The following MAD1L1 variants were observed in gnomAD, a reference collection of about 807,000 sequenced individuals.
MAD1L1 encodes mitotic arrest deficient 1 like 1.
A neutral mutation model predicts 96.9 loss-of-function variants in MAD1L1; 95 were observed. The observed-to-expected ratio is 0.98, with a 90% CI of 0.83 to 1.16. The LOEUF is 1.16. Among genes scored for constraint, MAD1L1 ranks in the 50% most tolerant of loss-of-function variants. MAD1L1 has a pLI of 0.00. For missense variants in MAD1L1, 1,007 were observed against 954.4 expected (o/e 1.06, Z -0.73); for synonymous variants, 473 against 396.6 (o/e 1.19, Z -2.29).
chr7:2,207,185 T>G (rs773035436), intron 10 of MAD1L1, among the ~76,000 whole-genome samples: 8 of 152,162 alleles, frequency 5.3e-5, no homozygotes, highest in Non-Finnish European at 1.2e-4. Context: ...AACTGCCATC[T>G]TAACAATAAT....
At chr7:2,214,629 G>A (rs1421777932) in intron 9 of MAD1L1, among the ~76,000 whole-genome samples, 1 of 152,186 alleles carries the variant, frequency 6.6e-6, no homozygotes, top group Non-Finnish European at 1.5e-5. Context: ...GTGGCCACAG[G>A]GAAGTGGCAT....
chr7:1,825,545 C>T (rs1218090413), intron 18 of MAD1L1, among the ~76,000 whole-genome samples: 3 of 152,246 alleles, frequency 2.0e-5, no homozygotes, highest in East Asian at 1.9e-4. Context: ...CCAAGCCCCT[C>T]GGCACCCAGC....
At chr7:1,938,778 A>G (rs1778756461) in intron 16 of MAD1L1, among the ~76,000 whole-genome samples, 1 of 141,198 alleles carries the variant, frequency 7.1e-6, no homozygotes, top group African/African-American at 2.6e-5. Flanking sequence ...ACGCACGCAC[A>G]CAGAGACCAG....
chr7:2,160,317 C>T (rs1584454450), intron 10 of MAD1L1, among the ~76,000 whole-genome samples: 2 of 146,930 alleles, frequency 1.4e-5, no homozygotes, highest in African/African-American at 4.9e-5. Context: ...AGGAGGCTTG[C>T]CACTGGATCC....
At chr7:2,135,885 A>G (rs932400773) in intron 11 of MAD1L1, among the ~76,000 whole-genome samples, 2 of 152,208 alleles carry the variant, frequency 1.3e-5, no homozygotes, top group South Asian at 2.1e-4. Flanking sequence ...TTTTCGCCAT[A>G]TAACTCACAA....
At chr7:1,960,912 T>C (rs1406898529) in intron 15 of MAD1L1, among the ~76,000 whole-genome samples, 1 of 152,228 alleles carries the variant, frequency 6.6e-6, no homozygotes, top group African/African-American at 2.4e-5. Flanking sequence ...TCAGTCTATT[T>C]AGGAATTTCA....
At chr7:2,089,628 GT>G (rs1562676064) in intron 11 of MAD1L1, among the ~76,000 whole-genome samples, 1 of 151,666 alleles carries the variant, frequency 6.6e-6, no homozygotes, top group African/African-American at 2.4e-5. Context: ...CACGTGCATC[GT>G]GTTTAATCAC....
intron 15 of MAD1L1, among the ~76,000 whole-genome samples, chr7:1,965,995 C>T (rs73292431): frequency 6.6e-6 from 1 of 152,234 alleles, no homozygotes; most frequent in South Asian, 2.1e-4. Flanking sequence ...TGGGTCCCAT[C>T]CACACTGGCA....
intron 15 of MAD1L1, among the ~76,000 whole-genome samples, chr7:1,961,326 C>A (rs1204740724): frequency 6.6e-6 from 1 of 152,184 alleles, no homozygotes; most frequent in Non-Finnish European, 1.5e-5. Flanking sequence ...GGAGGGGCTA[C>A]CTAATTTCAC....
At chr7:1,912,290 G>A (rs1433967706) in intron 17 of MAD1L1, among the ~76,000 whole-genome samples, 2 of 152,258 alleles carry the variant, frequency 1.3e-5, no homozygotes, top group East Asian at 3.8e-4. Context: ...ATGGGGGCAT[G>A]TGTGGCTCAA....
Position 1,823,933 on chromosome 7 carries a change from C to T in MAD1L1, c.1999-7705G>A, listed in dbSNP as rs549309730. 7.1e-4 allele frequency among the ~76,000 whole-genome samples: 108 copies of T among 151,102 alleles called. 1 individual carries two copies. Among genetic ancestry groups the T allele is most frequent in the African/African-American group, 2.4e-3 (98 of 41,484 alleles). On this transcript the variant is annotated intron_variant, in intron 18 of 18. Coordinates refer to ENST00000265854, the MANE Select transcript of MAD1L1 (RefSeq NM_001013836.2). ...CATTGGTGTGCTGCAAGCGCCGCTC[C>T]GGAGCAGGGCTCTGTGTGGGGAGAG... is the stretch of plus-strand genomic sequence containing the variant.
chr7:1,879,903 C>T (rs4721146), intron 18 of MAD1L1, among the ~76,000 whole-genome samples: 45,639 of 151,932 alleles, frequency 0.3, 8,214 homozygotes, highest in East Asian at 0.46. Flanking sequence ...GCTAATTTTT[C>T]GTATTTTTAG....
chr7:2,070,154 T>A (rs1785056160), intron 11 of MAD1L1, among the ~76,000 whole-genome samples: 1 of 152,224 alleles, frequency 6.6e-6, no homozygotes, highest in Admixed American at 6.5e-5. Flanking sequence ...CCTCAGGGGT[T>A]TGGATCTTGC....
chr7:1,824,480 G>A (rs6953443), intron 18 of MAD1L1, among the ~76,000 whole-genome samples: 54 of 152,284 alleles, frequency 3.5e-4, no homozygotes, highest in African/African-American at 1.3e-3. Context: ...ACGTTACCCC[G>A]GGCCATGAGG....
chr7:1,936,704 G>T lies in MAD1L1; in HGVS notation c.1790C>A (p.Ser597Ter). Residue 597 changes from serine to a stop codon, truncating the protein, a stop_gained, in exon 17 of 19, where the codon TCG becomes TAG. Coordinates refer to ENST00000265854, the MANE Select transcript of MAD1L1 (RefSeq NM_001013836.2). LOFTEE classifies it high-confidence loss of function. ...DLEAAAASLP[S>*]SKEVAELKKQ... The stretch of plus-strand genomic sequence containing the variant: ...GTGCCTACCTGCCACCTCCTTGGAC[G>T]ATGGCAGACTCGCGGCGGCAGCCTC... 6.4e-7 allele frequency: 1 copy of T among 1,555,938 alleles called. No homozygotes were observed. Among genetic ancestry groups the T allele is most frequent in the East Asian group, 2.4e-5 (1 of 41,588 alleles).
rs1467666996 is a variant in MAD1L1 at position 2,142,715 on chromosome 7, C to G, written c.1073+6437G>C. Among the ~76,000 whole-genome samples, 1 of 152,248 alleles carries G rather than the reference C, an allele frequency of 6.6e-6. No individual in the cohort carries two copies. Among genetic ancestry groups the G allele is most frequent in the Non-Finnish European group, 1.5e-5 (1 of 68,036 alleles). ...CCATTTACATCGAGTGGCGCCAAAG[C>G]CGAACGGACGCAACAAGGCCTCTGG... On this transcript the variant is annotated intron_variant, in intron 11 of 18. Transcript: ENST00000265854. The surrounding 1 kb of genome is among the most constrained non-coding windows in gnomAD (Gnocchi z 4.7).
At chr7:2,033,662 G>C (rs1783332685) in intron 12 of MAD1L1, among the ~76,000 whole-genome samples, 1 of 152,256 alleles carries the variant, frequency 6.6e-6, no homozygotes, top group East Asian at 1.9e-4. Flanking sequence ...GTGGCAAGAA[G>C]TAAAATGCTA....
At chr7:2,162,419 TA>T (rs1313812052) in intron 10 of MAD1L1, among the ~76,000 whole-genome samples, 7 of 152,062 alleles carry the variant, frequency 4.6e-5, no homozygotes, top group Non-Finnish European at 1.0e-4. Context: ...CACCACTCCC[TA>T]ATCTCAAGTA....
rs1221422820 is a variant in MAD1L1, at chr7:1,957,609, A to T, written c.1596+20T>A. ...GAGAGGCCCAGGCAGTGCCTCACCCAGAGGCTGCCCCGCCCTCACCTGCAG... is the reference window on the plus strand; with the variant it reads ...GAGAGGCCCAGGCAGTGCCTCACCCTGAGGCTGCCCCGCCCTCACCTGCAG... On this transcript the variant is annotated intron_variant, in intron 16 of 18. Coordinates refer to ENST00000265854, the MANE Select transcript of MAD1L1 (RefSeq NM_001013836.2). The T allele has an allele frequency of 6.2e-7, 1 of 1,612,412 alleles. No homozygotes were observed. Among genetic ancestry groups the T allele is most frequent in the African/African-American group, 1.3e-5 (1 of 74,908 alleles).
Sources: gnomAD v4.1 joint callset for allele counts (sites outside exome capture counted in the v4.1 genomes callset) on GRCh38, gnomAD v4.1.1 for gene constraint, Gnocchi (gnomAD v3.1) non-coding constraint, MANE v1.5 for transcripts, NCBI Gene and HGNC (gene_info 2026-07-23, HGNC 2026-07-21) for gene names.